PDE1A: variants seen among roughly 807,000 people sequenced by gnomAD.
The protein encoded by PDE1A is dual specificity calcium/calmodulin-dependent 3',5'-cyclic nucleotide phosphodiesterase 1A.
A neutral mutation model predicts 61.7 loss-of-function variants in PDE1A; 35 were observed. That is an observed-to-expected ratio of 0.57 (90% CI 0.43 to 0.75). The LOEUF is 0.75. Ranked by LOEUF, PDE1A falls within the 30% of genes least tolerant of loss-of-function variation. The pLI is 0.00. For missense variants in PDE1A, 597 were observed against 630.6 expected, an observed-to-expected ratio of 0.95 and a Z score of 0.57; for synonymous variants, 232 against 213.2, an observed-to-expected ratio of 1.09 and a Z score of -0.77.
At chr2:182,357,872 G>T (rs1456687316) in intron 1 of PDE1A, among the ~76,000 whole-genome samples, 4 of 152,142 alleles carry the variant, frequency 2.6e-5, no homozygotes, top group Non-Finnish European at 4.4e-5. Flanking sequence ...GAAATAAATG[G>T]ACTTTTATCA....
chr2:182,294,228 G>C (rs1694725605), intron 1 of PDE1A, among the ~76,000 whole-genome samples: 1 of 152,144 alleles, frequency 6.6e-6, no homozygotes, highest in Admixed American at 6.5e-5. Context: ...CTTGGATGAG[G>C]GGGGAGCTAT....
the PDE1A span, among the ~76,000 whole-genome samples, chr2:182,645,237 C>T: frequency 1.3e-4 from 19 of 151,218 alleles, no homozygotes; most frequent in African/African-American, 3.4e-4. Context: ...CTGCCCGCCT[C>T]GGCCTCCCAA....
the PDE1A span, among the ~76,000 whole-genome samples, chr2:182,641,019 C>CAAAA: frequency 1.6e-5 from 1 of 61,314 alleles, no homozygotes; most frequent in African/African-American, 7.1e-5. Flanking sequence ...GACTCCATCT[C>CAAAA]AAAAAAAAAA....
At chr2:182,629,122 TC>T in the PDE1A span, among the ~76,000 whole-genome samples, 48 of 152,226 alleles carry the variant, frequency 3.2e-4, no homozygotes, top group African/African-American at 1.1e-3. Context: ...GCCAGGGCCA[TC>T]AGGCAGGCAG....
chr2:182,570,282 A>G, the PDE1A span, among the ~76,000 whole-genome samples: 20 of 152,352 alleles, frequency 1.3e-4, no homozygotes, highest in African/African-American at 4.8e-4. Context: ...TGCAGACTGT[A>G]AGAACCTACT....
At chr2:182,200,085 GAAC>G (rs1200869245) in intron 10 of PDE1A, among the ~76,000 whole-genome samples, 3 of 152,052 alleles carry the variant, frequency 2.0e-5, no homozygotes, top group Middle Eastern at 3.2e-3. Flanking sequence ...TCAAAATAAA[GAAC>G]AATACTGAGA....
intron 2 of PDE1A, among the ~76,000 whole-genome samples, chr2:182,262,717 T>A (rs1328764113): frequency 6.6e-6 from 1 of 151,896 alleles, no homozygotes; most frequent in Admixed American, 6.6e-5. Context: ...GTCAAATATT[T>A]AAAAAATCAG....
At chr2:182,254,165 T>A (rs1691606897) in intron 2 of PDE1A, among the ~76,000 whole-genome samples, 1 of 152,158 alleles carries the variant, frequency 6.6e-6, no homozygotes, top group African/African-American at 2.4e-5. Flanking sequence ...TTCCCCCTTT[T>A]CAGGAGTGAG....
chr2:182,644,925 A>G, the PDE1A span, among the ~76,000 whole-genome samples: 1 of 152,160 alleles, frequency 6.6e-6, no homozygotes, highest in Non-Finnish European at 1.5e-5. Flanking sequence ...TTTGAAAAGT[A>G]TAGTAATTTA....
chr2:182,265,998 G>A (rs1022695203), intron 1 of PDE1A, among the ~76,000 whole-genome samples: 1 of 151,988 alleles, frequency 6.6e-6, no homozygotes, highest in South Asian at 2.1e-4. Flanking sequence ...GGCAAGTTAA[G>A]AATTTCAGCA....
At chr2:182,304,477 T>C (rs1695452038) in intron 1 of PDE1A, among the ~76,000 whole-genome samples, 1 of 152,236 alleles carries the variant, frequency 6.6e-6, no homozygotes, top group Non-Finnish European at 1.5e-5. Flanking sequence ...ACTAGGCTAA[T>C]TGTTTGGCAT....
At chr2:182,673,772 A>G in the PDE1A span, among the ~76,000 whole-genome samples, 5 of 151,722 alleles carry the variant, frequency 3.3e-5, no homozygotes, top group South Asian at 4.1e-4. Flanking sequence ...CTCTGATATA[A>G]TAAAAGCCAA....
At chr2:182,503,334 G>A (rs900352744) in intron 2 of PDE1A, among the ~76,000 whole-genome samples, 1 of 152,086 alleles carries the variant, frequency 6.6e-6, no homozygotes, top group African/African-American at 2.4e-5. Context: ...AAAATGGTCA[G>A]AGAAGTCTTC....
At chr2:182,464,071 G>T (rs1686488796) in intron 2 of PDE1A, among the ~76,000 whole-genome samples, 1 of 152,092 alleles carries the variant, frequency 6.6e-6, no homozygotes, top group African/African-American at 2.4e-5. Flanking sequence ...CTCTATGAAA[G>T]CTCTCTCCCC....
chr2:182,454,745 T>G lies in PDE1A; in HGVS notation c.101+67531A>C, dbSNP rs1685781294. On this transcript the variant is annotated intron_variant, in intron 2 of 14. Coordinates refer to the PDE1A transcript ENST00000410103. ...AGAAAGCTGAAACTGGATCCCTTCC[T>G]TACACCTTATACAAAAATTAATTCA... 2.0e-5 allele frequency among the ~76,000 whole-genome samples: 3 copies of G among 152,162 alleles called. No homozygotes were observed. The South Asian group carries it at 6.2e-4, about 32-fold the overall frequency.
intron 2 of PDE1A, among the ~76,000 whole-genome samples, chr2:182,492,424 G>A (rs1160503449): frequency 2.6e-5 from 4 of 152,150 alleles, no homozygotes; most frequent in African/African-American, 9.7e-5. Flanking sequence ...GTGAGTTTGT[G>A]AATGAGTGAA....
At chr2:182,261,836 A>G (rs1692239035) in intron 2 of PDE1A, among the ~76,000 whole-genome samples, 1 of 152,234 alleles carries the variant, frequency 6.6e-6, no homozygotes, top group African/African-American at 2.4e-5. Flanking sequence ...CCAGGTAGTT[A>G]GCATTATGCC....
At chr2:182,557,440 A>G in the PDE1A span, among the ~76,000 whole-genome samples, 1 of 151,066 alleles carries the variant, frequency 6.6e-6, no homozygotes, top group Admixed American at 6.6e-5. Flanking sequence ...AGGCTGGCAC[A>G]GTGGCTCACA....
chr2:182,332,695 C>A (rs1697499618), intron 1 of PDE1A, among the ~76,000 whole-genome samples: 1 of 152,138 alleles, frequency 6.6e-6, no homozygotes, highest in African/African-American at 2.4e-5. Flanking sequence ...GCAAAGATTG[C>A]AGCCTGCTCC....
Sources: gnomAD v4.1 joint callset for allele counts (sites outside exome capture counted in the v4.1 genomes callset) on GRCh38, gnomAD v4.1.1 for gene constraint, MANE v1.5 for transcripts, NCBI Gene and HGNC (gene_info 2026-07-23, HGNC 2026-07-21) for gene names.